Variants in CAMTA1 observed in about 807,000 individuals in gnomAD.
CAMTA1 encodes the protein calmodulin binding transcription activator 1.
CAMTA1 carries 27 observed loss-of-function variants against 170.9 expected under a neutral mutation model. The ratio of observed to expected loss-of-function variants is 0.16; its 90% CI spans 0.12 to 0.22. CAMTA1 has a LOEUF of 0.22. Among genes scored for constraint, CAMTA1 ranks in the 10% least tolerant of loss-of-function variants. CAMTA1 has a pLI of 1.00. For missense variants in CAMTA1, 1,619 were observed against 2,217.2 expected, an observed-to-expected ratio of 0.73 and a Z score of 5.42; for synonymous variants, 833 against 891.5, an observed-to-expected ratio of 0.93 and a Z score of 1.17.
intron 6 of CAMTA1, among the ~76,000 whole-genome samples, chr1:7,619,955 G>A (rs1353553669): frequency 6.6e-6 from 1 of 152,220 alleles, no homozygotes; most frequent in Non-Finnish European, 1.5e-5. Flanking sequence ...TGTATGTGAT[G>A]CTGTCATTAA....
intron 6 of CAMTA1, among the ~76,000 whole-genome samples, chr1:7,525,791 G>A (rs905931862): frequency 9.2e-5 from 14 of 152,146 alleles, no homozygotes; most frequent in Non-Finnish European, 1.8e-4. Flanking sequence ...CCTTCCACGA[G>A]CATCTACTGA....
intron 11 of CAMTA1, among the ~76,000 whole-genome samples, chr1:7,689,933 G>GT (rs1558137721): frequency 1.3e-5 from 2 of 152,282 alleles, no homozygotes; most frequent in East Asian, 1.9e-4. Context: ...CGAGTTGGGC[G>GT]TATCACCTGA....
At chr1:7,205,476 G>T (rs1377760164) in intron 4 of CAMTA1, among the ~76,000 whole-genome samples, 1 of 152,148 alleles carries the variant, frequency 6.6e-6, no homozygotes, top group Non-Finnish European at 1.5e-5. Context: ...TTTTGGTGCT[G>T]TGTTACTAGG....
intron 11 of CAMTA1, among the ~76,000 whole-genome samples, chr1:7,709,650 C>G (rs1485430468): frequency 1.3e-5 from 2 of 152,158 alleles, no homozygotes; most frequent in African/African-American, 2.4e-5. Flanking sequence ...TGGCCAGAAG[C>G]CCACTGTCTA....
At chr1:7,070,041 C>T (rs1246421769) in intron 3 of CAMTA1, among the ~76,000 whole-genome samples, 5 of 152,148 alleles carry the variant, frequency 3.3e-5, no homozygotes, top group Admixed American at 1.3e-4. Flanking sequence ...GCGGGGCCTC[C>T]GGTGAGCCGC....
intron 4 of CAMTA1, among the ~76,000 whole-genome samples, chr1:7,231,103 G>A (rs1662709633): frequency 6.6e-6 from 1 of 152,106 alleles, no homozygotes; most frequent in African/African-American, 2.4e-5. Flanking sequence ...TGGGATGAGA[G>A]CCCCGGTGGC....
chr1:7,499,734 G>A (rs1407670123), intron 6 of CAMTA1, among the ~76,000 whole-genome samples: 1 of 121,420 alleles, frequency 8.2e-6, no homozygotes, highest in African/African-American at 3.2e-5. Context: ...GTGTCCATGA[G>A]TGAGTGTGTA....
chr1:6,932,531 G>A lies in CAMTA1; in HGVS notation c.234+107321G>A, dbSNP rs572312809. On this transcript the variant is annotated intron_variant, in intron 3 of 22. Transcript: ENST00000303635. The stretch of plus-strand genomic sequence containing the variant: ...ATGCTTTCTTTTCTCTCGGGTAAAT[G>A]CCTAGGAGTGGGATGGCCGGATCAT... Among the ~76,000 whole-genome samples, 4 of 152,280 alleles carry A rather than the reference G, an allele frequency of 2.6e-5. No homozygotes were observed. The South Asian group carries it at 6.2e-4, about 24-fold the overall frequency.
chr1:7,282,671 G>T (rs895533238), intron 5 of CAMTA1, among the ~76,000 whole-genome samples: 1 of 152,158 alleles, frequency 6.6e-6, no homozygotes, highest in Non-Finnish European at 1.5e-5. Flanking sequence ...AGAAGGATAT[G>T]CCAGAAAGGA....
At chr1:7,273,207 A>G (rs559867860) in intron 5 of CAMTA1, among the ~76,000 whole-genome samples, 2 of 152,220 alleles carry the variant, frequency 1.3e-5, no homozygotes, top group Non-Finnish European at 2.9e-5. Flanking sequence ...TCAGAATGTT[A>G]AACATTGAGT....
At chr1:6,945,129 A>G (rs1211016538) in intron 3 of CAMTA1, among the ~76,000 whole-genome samples, 1 of 152,164 alleles carries the variant, frequency 6.6e-6, no homozygotes, top group African/African-American at 2.4e-5. Context: ...TTGGCATATG[A>G]TGGGTACTCA....
rs1180803878 is a variant in CAMTA1 at position 7,248,647 on chromosome 1, C to A, written c.303-844C>A. On this transcript the variant is annotated intron_variant, in intron 4 of 22. Transcript: ENST00000303635. This position sits in a 1 kb window ranked among gnomAD's most constrained non-coding sequence, Gnocchi z 4.0. ...CTTTCTCTCCTTGGGGTTTCCAAAC[C>A]CAAATATGTGACCTGACCACCGCAT... Among the ~76,000 whole-genome samples, 1 of 151,936 alleles carries A rather than the reference C, an allele frequency of 6.6e-6. No homozygotes were observed. The highest frequency in any genetic ancestry group is 1.5e-5 in the Non-Finnish European group (1 of 67,998).
At chr1:7,013,252 C>G (rs1291726774) in intron 3 of CAMTA1, among the ~76,000 whole-genome samples, 1 of 134,984 alleles carries the variant, frequency 7.4e-6, no homozygotes, top group African/African-American at 2.9e-5. Context: ...TCTCGCCAGC[C>G]TGTTGCTCAG....
rs1241846135 is a variant in CAMTA1 at position 7,014,972 on chromosome 1, G to A, written c.235-76332G>A. ...CCACAAGCTAAATGATCTGTACATT[G>A]TCCTCCAACTCTGAGAGCCTCTGAT... On this transcript the variant is annotated intron_variant, in intron 3 of 22. Transcript: ENST00000303635. The surrounding 1 kb of genome is among the most constrained non-coding windows in gnomAD (Gnocchi z 4.2). Among the ~76,000 whole-genome samples, 1 of 152,116 alleles carries A rather than the reference G, an allele frequency of 6.6e-6. No homozygotes were observed. Among genetic ancestry groups the A allele is most frequent in the Non-Finnish European group, 1.5e-5 (1 of 68,020 alleles).
chr1:7,235,609 A>G (rs1663678172), intron 4 of CAMTA1, among the ~76,000 whole-genome samples: 1 of 152,198 alleles, frequency 6.6e-6, no homozygotes. Flanking sequence ...CCTGGGTGAC[A>G]AAGCGAGACT....
At chr1:6,812,003 A>G (rs1198437889) in intron 1 of CAMTA1, among the ~76,000 whole-genome samples, 4 of 152,164 alleles carry the variant, frequency 2.6e-5, no homozygotes, top group Non-Finnish European at 5.9e-5. Flanking sequence ...TTTAGACAAG[A>G]TCACCTTCTA....
intron 3 of CAMTA1, among the ~76,000 whole-genome samples, chr1:6,881,025 G>A (rs1671420405): frequency 6.6e-6 from 1 of 152,112 alleles, no homozygotes; most frequent in Non-Finnish European, 1.5e-5. Flanking sequence ...TGAGGAAGTA[G>A]CTGCTGTCAT....
intron 4 of CAMTA1, among the ~76,000 whole-genome samples, chr1:7,190,660 A>G (rs1318352895): frequency 6.6e-6 from 1 of 152,162 alleles, no homozygotes; most frequent in East Asian, 1.9e-4. Flanking sequence ...TTTGTAATTT[A>G]AAAAAATAGA....
At chr1:6,822,825 CAA>C (rs1491383258) in intron 2 of CAMTA1, among the ~76,000 whole-genome samples, 12 of 149,052 alleles carry the variant, frequency 8.1e-5, no homozygotes, top group Admixed American at 2.0e-4. Flanking sequence ...CACACACACA[CAA>C]ACACACACAC....
Sources: allele counts gnomAD v4.1 joint callset (sites outside exome capture counted in the v4.1 genomes callset), GRCh38; gene constraint gnomAD v4.1.1; non-coding constraint Gnocchi (gnomAD v3.1); transcripts MANE v1.5; gene names NCBI Gene and HGNC (gene_info 2026-07-23, HGNC 2026-07-21).